The following STAG2 variants were observed in gnomAD, a reference collection of about 807,000 sequenced individuals.
The protein encoded by STAG2 is STAG2 cohesin complex component.
In STAG2, 14 loss-of-function variants were observed where a neutral mutation model predicts 108.1. The ratio of observed to expected loss-of-function variants is 0.13; its 90% CI spans 0.09 to 0.20. The LOEUF is 0.20. Ranked by LOEUF, STAG2 falls within the 10% of genes least tolerant of loss-of-function variation. STAG2 has a pLI of 1.00. For missense variants in STAG2, 440 were observed against 940.9 expected (o/e 0.47, Z 6.96); for synonymous variants, 307 against 302.7 (o/e 1.01, Z -0.15).
intron 1 of STAG2, among the ~76,000 whole-genome samples, chrX:124,001,492 C>G (rs971907790): frequency 3.6e-5 from 4 of 111,993 alleles, no homozygotes; most frequent in Non-Finnish European, 7.5e-5. Context: ...TCACTCACCA[C>G]TCACTCACTG....
chrX:124,013,059 G>A (rs2056574286), intron 1 of STAG2, among the ~76,000 whole-genome samples: 1 of 111,128 alleles, frequency 9.0e-6, no homozygotes, highest in African/African-American at 3.3e-5. Flanking sequence ...TGCCCAGTGT[G>A]AAATGGTTTA....
intron 1 of STAG2, among the ~76,000 whole-genome samples, chrX:124,004,929 A>C (rs1462210066): frequency 9.0e-6 from 1 of 111,363 alleles, no homozygotes; most frequent in Non-Finnish European, 1.9e-5. Context: ...GATACAGTCC[A>C]TATACAGGTG....
chrX:123,981,513 G>T (rs980194197), intron 1 of STAG2, among the ~76,000 whole-genome samples: 7 of 111,546 alleles, frequency 6.3e-5, no homozygotes, highest in Admixed American at 2.9e-4. Flanking sequence ...ATATTCCATT[G>T]TATGTATATA....
intron 5 of STAG2, among the ~76,000 whole-genome samples, chrX:124,035,754 CTA>C (rs1569509317): frequency 9.8e-6 from 1 of 102,428 alleles, no homozygotes. Context: ...AATGGCCTTT[CTA>C]TGTGGCTACG....
intron 1 of STAG2, chrX:123,963,175 T>C (rs1292478781): frequency 9.0e-6 from 1 of 111,617 alleles, no homozygotes. Flanking sequence ...GCGTCATTCC[T>C]GGCTCTAGCA....
intron 1 of STAG2, among the ~76,000 whole-genome samples, chrX:124,002,415 GGAGTTATAGGTTTGAATATATCCTA>G (rs1201529775): frequency 9.0e-6 from 1 of 111,495 alleles, no homozygotes; most frequent in Admixed American, 9.6e-5. Flanking sequence ...CTTGCACTCG[GGAGTTATAGGTTTGAATATATCCTA>G]GGTGATTTTG....
chrX:124,030,977 A>G lies in STAG2; in HGVS notation c.140A>G (p.Lys47Arg). The G allele has an allele frequency of 8.3e-7, 1 of 1,199,623 alleles. No individual in the cohort carries two copies. Among genetic ancestry groups the G allele is most frequent in the Non-Finnish European group, 1.1e-6 (1 of 891,362 alleles). The change falls in exon 5 of 35, where the codon AAA (lysine) becomes AGA (arginine). Residue 47 changes from lysine to arginine, a missense_variant. Lys to Arg is a conservative substitution (Grantham distance 26, BLOSUM62 2). Transcript: ENST00000371145. ...TTTATGCAGACTTGTAAAAAAGGCA[A>G]AAAGGGCCCAGCAGAAAAGGGCAAA... is the stretch of plus-strand genomic sequence containing the variant. Reference protein sequence around the residue: ...QGKGKTCKKGKKGPAEKGKGG... With the variant: ...QGKGKTCKKGRKGPAEKGKGG...
At position 124,100,712 on chromosome X, in the gene STAG2, C is replaced by A; in HGVS notation, c.*115C>A. ...AGATTTTTCTCTAAGGAGAATATGACATGCTTATGCTTACCAAGATCAAGT... is the reference window on the plus strand; with the variant it reads ...AGATTTTTCTCTAAGGAGAATATGAAATGCTTATGCTTACCAAGATCAAGT... On this transcript the variant is annotated 3_prime_UTR_variant, in exon 35 of 35. Coordinates refer to ENST00000371145, the MANE Select transcript of STAG2 (RefSeq NM_001042750.2). 1.8e-6 allele frequency: 1 copy of A among 558,463 alleles called. No individual in the cohort carries two copies. The highest frequency in any genetic ancestry group is 2.9e-6 in the Non-Finnish European group (1 of 349,266). The allele number at this position is 558,463 out of a possible 1,213,427, so 46.0% of individuals were successfully genotyped here.
At chrX:124,050,460 T>C (rs2058001700) in intron 11 of STAG2, 151 bp downstream of exon 11, 4 of 605,801 alleles carry the variant, frequency 6.6e-6, no homozygotes, top group African/African-American at 2.3e-5. Context: ...TAAAAACTTA[T>C]TTTCTATCAC....
At chrX:124,060,373 G>C (rs985446470) in intron 15 of STAG2, among the ~76,000 whole-genome samples, 3 of 111,090 alleles carry the variant, frequency 2.7e-5, no homozygotes, top group Admixed American at 9.5e-5. Context: ...TGATCTGCCT[G>C]CCTCGGCCTC....
intron 1 of STAG2, among the ~76,000 whole-genome samples, chrX:124,009,443 G>GTGGGTAGA (rs1556479690): frequency 1.1e-4 from 7 of 63,607 alleles, no homozygotes; most frequent in African/African-American, 3.7e-4. Context: ...AGGTAGGTAG[G>GTGGGTAGA]TAGATAGATA....
chrX:124,096,007 A>G (rs1397686152), intron 34 of STAG2, among the ~76,000 whole-genome samples: 2 of 109,773 alleles, frequency 1.8e-5, no homozygotes, highest in Non-Finnish European at 3.8e-5. Flanking sequence ...CCTGTGCCAT[A>G]TTCTCCTTGA....
At chrX:124,026,087 C>T (rs2057086268) in intron 4 of STAG2, among the ~76,000 whole-genome samples, 169 bp downstream of exon 4, 2 of 104,781 alleles carry the variant, frequency 1.9e-5, no homozygotes, top group African/African-American at 6.9e-5. Context: ...TCTTCTAGAC[C>T]AGGTAGCCTT....
intron 29 of STAG2, among the ~76,000 whole-genome samples, chrX:124,084,378 G>A (rs1463300382): frequency 9.8e-6 from 1 of 102,239 alleles, no homozygotes. Flanking sequence ...TGTCCTTCAG[G>A]CACCATCTCG....
At chrX:124,081,085 T>TG (rs1235656048) in intron 27 of STAG2, among the ~76,000 whole-genome samples, 2 of 52,331 alleles carry the variant, frequency 3.8e-5, no homozygotes, top group Non-Finnish European at 4.8e-5. Flanking sequence ...AATAATTTGC[T>TG]GGGGTTTTTT....
chrX:124,058,365 G>A (rs1423390633), intron 15 of STAG2, among the ~76,000 whole-genome samples: 1 of 111,144 alleles, frequency 9.0e-6, no homozygotes, highest in Non-Finnish European at 1.9e-5. Flanking sequence ...GACCAGGCTG[G>A]TCTTAAACTC....
intron 34 of STAG2, among the ~76,000 whole-genome samples, chrX:124,097,195 A>AAG (rs1305297866): frequency 9.3e-6 from 1 of 107,412 alleles, no homozygotes; most frequent in East Asian, 2.9e-4. Context: ...AAAAAAAAAA[A>AAG]AAAAAAAAAG....
intron 1 of STAG2, among the ~76,000 whole-genome samples, chrX:124,000,894 A>T (rs1312525444): frequency 9.0e-6 from 1 of 111,139 alleles, no homozygotes; most frequent in Non-Finnish European, 1.9e-5. Context: ...TTAGCGTTTA[A>T]CGAAAAAGTT....
At chrX:123,993,663 A>G (rs1335726208) in intron 1 of STAG2, among the ~76,000 whole-genome samples, 1 of 111,235 alleles carries the variant, frequency 9.0e-6, no homozygotes, top group East Asian at 2.8e-4. Flanking sequence ...TCCTATATAT[A>G]ACAGGTTGCT....
Sources: gnomAD v4.1 joint callset for allele counts (sites outside exome capture counted in the v4.1 genomes callset) on GRCh38, gnomAD v4.1.1 for gene constraint, MANE v1.5 for transcripts, NCBI Gene and HGNC (gene_info 2026-07-23, HGNC 2026-07-21) for gene names.